The following CA5A variants were observed in gnomAD, a reference collection of about 807,000 sequenced individuals.
The protein encoded by CA5A is carbonic anhydrase 5A, also known as carbonic anhydrase 5A, mitochondrial.
A neutral mutation model predicts 37.1 loss-of-function variants in CA5A; 28 were observed. The observed-to-expected ratio is 0.75, with a 90% CI of 0.56 to 1.03. The LOEUF (loss-of-function observed/expected upper bound fraction) is 1.03, where lower values mean the gene tolerates loss of function less well. Ranked by LOEUF, CA5A falls within the 50% of genes least tolerant of loss-of-function variation. The pLI is 0.00. For synonymous variants in CA5A, 171 were observed against 158.4 expected (o/e 1.08, Z -0.60); for missense variants, 444 against 399.9 (o/e 1.11, Z -0.94).
intron 2 of CA5A, among the ~76,000 whole-genome samples, chr16:87,925,104 C>T (rs1023112933): frequency 6.6e-6 from 1 of 152,178 alleles, no homozygotes; most frequent in African/African-American, 2.4e-5. Context: ...AGTGAGTGAG[C>T]AAGATCCCCA....
intron 2 of CA5A, chr16:87,924,426 G>T: frequency 1.7e-6 from 1 of 579,272 alleles, no homozygotes; most frequent in Non-Finnish European, 2.2e-6. Context: ...AAGCTCTCAC[G>T]CCCTGCCCCC....
intron 1 of CA5A, among the ~76,000 whole-genome samples, chr16:87,929,068 C>T (rs774693698): frequency 2.7e-5 from 4 of 150,600 alleles, no homozygotes; most frequent in Non-Finnish European, 5.9e-5. Context: ...CGCGCCCAGC[C>T]TTGGATTATT....
At chr16:87,903,239 T>C (rs2055906907) in intron 3 of CA5A, among the ~76,000 whole-genome samples, 1 of 152,098 alleles carries the variant, frequency 6.6e-6, no homozygotes, top group African/African-American at 2.4e-5. Context: ...AAGACCAGCC[T>C]GGCCAAGATG....
At chr16:87,898,051 C>A (rs753466733) in intron 5 of CA5A, among the ~76,000 whole-genome samples, 2 of 152,122 alleles carry the variant, frequency 1.3e-5, no homozygotes, top group Admixed American at 1.3e-4. Flanking sequence ...GGAAATGCAC[C>A]CTTGGAGCCC....
At chr16:87,914,853 G>A (rs1241261415) in intron 2 of CA5A, among the ~76,000 whole-genome samples, 1 of 152,206 alleles carries the variant, frequency 6.6e-6, no homozygotes, top group Non-Finnish European at 1.5e-5. Context: ...CCTCGTCAGG[G>A]GAGGGGATGG....
intron 5 of CA5A, among the ~76,000 whole-genome samples, chr16:87,899,638 G>A (rs1169595271): frequency 2.0e-5 from 3 of 149,902 alleles, no homozygotes; most frequent in South Asian, 4.2e-4. Flanking sequence ...GGTCTAACTC[G>A]GCCAGGTGCG....
At chr16:87,892,191 T>C (rs972473691) in intron 5 of CA5A, 5 of 415,460 alleles carry the variant, frequency 1.2e-5, no homozygotes, top group African/African-American at 1.0e-4. Context: ...TACACCAGCT[T>C]ACGTTGGTGC....
chr16:87,914,522 G>GGGA (rs575686935), intron 2 of CA5A, among the ~76,000 whole-genome samples: 10 of 152,166 alleles, frequency 6.6e-5, no homozygotes, highest in African/African-American at 2.2e-4. Context: ...GAACTGGGGT[G>GGGA]GGAGGAGGAG....
At chr16:87,919,577 G>C (rs1213089851) in intron 2 of CA5A, among the ~76,000 whole-genome samples, 1 of 152,218 alleles carries the variant, frequency 6.6e-6, no homozygotes, top group African/African-American at 2.4e-5. Flanking sequence ...GCAGAGCCTG[G>C]GGGAGCACTC....
rs746847042 is a variant in CA5A at position 87,926,871 on chromosome 16, C to G, written c.217G>C (p.Asp73His). 3.1e-6 allele frequency: 5 copies of G among 1,612,798 alleles called. No individual in the cohort carries two copies. In the Admixed American group the frequency reaches 8.4e-5, roughly 27 times the overall value. Residue 73 changes from aspartate to histidine, a missense_variant, in exon 2 of 7, where the codon GAC (aspartate) becomes CAC (histidine). Asp to His is a moderately conservative substitution (Grantham distance 81). Coordinates refer to ENST00000649794, the MANE Select transcript of CA5A (RefSeq NM_001739.2). ...RQSPINIQWR[D>H]SVYDPQLKPL... ...TTCAGCTGGGGGTCATAGACGCTGTCCCTCCACTGGATGTTAATAGGAGAC... is the reference window on the plus strand; with the variant it reads ...TTCAGCTGGGGGTCATAGACGCTGTGCCTCCACTGGATGTTAATAGGAGAC...
intron 1 of CA5A, among the ~76,000 whole-genome samples, chr16:87,935,065 T>G (rs1445858624): frequency 6.6e-6 from 1 of 152,216 alleles, no homozygotes; most frequent in Non-Finnish European, 1.5e-5. Flanking sequence ...CATCTCGAGA[T>G]AAGGACACAG....
chr16:87,903,894 G>A (rs1032892053), intron 3 of CA5A, among the ~76,000 whole-genome samples: 11 of 151,904 alleles, frequency 7.2e-5, no homozygotes, highest in East Asian at 1.9e-4. Flanking sequence ...TCATTTTTTC[G>A]TATGTTGCAA....
In CA5A at chr16:87,930,202, C is replaced by T. The variant is rs944409743; in HGVS notation, c.143-3257G>A. ...TTCTGGCCCGTGCATTCCCGTGCTC[C>T]GACAGCATCTGGCACTATGAATGTT... On this transcript the variant is annotated intron_variant, in intron 1 of 6. Coordinates refer to ENST00000649794, the MANE Select transcript of CA5A (RefSeq NM_001739.2). Among the ~76,000 whole-genome samples the T allele has an allele frequency of 5.9e-5, 9 of 152,244 alleles. No homozygotes were observed. In the South Asian group the frequency reaches 6.2e-4, roughly 11 times the overall value.
intron 6 of CA5A, among the ~76,000 whole-genome samples, chr16:87,889,380 T>C (rs1459022719): frequency 1.3e-5 from 2 of 152,170 alleles, no homozygotes; most frequent in African/African-American, 4.8e-5. Context: ...AAAGCCACTA[T>C]GTTTTGGAGC....
intron 2 of CA5A, among the ~76,000 whole-genome samples, chr16:87,908,564 G>A (rs928155260): frequency 1.9e-4 from 29 of 152,268 alleles, no homozygotes; most frequent in African/African-American, 2.9e-4. Flanking sequence ...GATGCCTGCC[G>A]GATCCCCACC....
At chr16:87,898,729 ATTTTTTTTTTTT>A (rs59375883) in intron 5 of CA5A, among the ~76,000 whole-genome samples, 2 of 115,056 alleles carry the variant, frequency 1.7e-5, no homozygotes, top group Non-Finnish European at 3.5e-5. Context: ...TCTAGTGTGG[ATTTTTTTTTTTT>A]TTTTTTTTTT....
rs12051535 is a variant in CA5A, at chr16:87,935,543, G to A, written c.142+766C>T. Among the ~76,000 whole-genome samples the A allele has an allele frequency of 6.4e-4, 97 of 152,270 alleles. 1 individual carries two copies. The East Asian group carries it at 0.012, about 19-fold the overall frequency. On this transcript the variant is annotated intron_variant, in intron 1 of 6. Transcript: ENST00000649794. ...TTGCCCTCCCCAGGACCCCTGAAAC[G>A]GAGGCTAAATGATTCACCCAAGGTC...
chr16:87,900,707 G>T (rs975079559), intron 5 of CA5A, among the ~76,000 whole-genome samples: 5 of 152,254 alleles, frequency 3.3e-5, no homozygotes, highest in Admixed American at 2.6e-4. Context: ...GGATCGCTGG[G>T]CGGAGAGCTG....
chr16:87,915,218 C>T (rs1454390169), intron 2 of CA5A, among the ~76,000 whole-genome samples: 1 of 152,202 alleles, frequency 6.6e-6, no homozygotes, highest in Non-Finnish European at 1.5e-5. Context: ...CCCTGGGAAA[C>T]AATCTACAAT....
Sources: allele counts gnomAD v4.1 joint callset (sites outside exome capture counted in the v4.1 genomes callset), GRCh38; gene constraint gnomAD v4.1.1; transcripts MANE v1.5; gene names NCBI Gene and HGNC (gene_info 2026-07-23, HGNC 2026-07-21).